EPC1: variants seen among roughly 807,000 people sequenced by gnomAD.
EPC1 encodes enhancer of polycomb 1, also known as enhancer of polycomb homolog 1.
Under a neutral mutation model 98.4 loss-of-function variants are expected in EPC1, and 12 were observed. The observed-to-expected ratio is 0.12, with a 90% confidence interval of 0.08 to 0.20. The LOEUF (loss-of-function observed/expected upper bound fraction) is 0.20, where lower values mean the gene tolerates loss of function less well. Among genes scored for constraint, EPC1 ranks in the 10% least tolerant of loss-of-function variants. EPC1 has a pLI of 1.00. For synonymous variants in EPC1, 357 were observed against 363.9 expected, an observed-to-expected ratio of 0.98 and a Z score of 0.21; for missense variants, 729 against 990.5, an observed-to-expected ratio of 0.74 and a Z score of 3.54.
At chr10:32,331,992 C>G (rs1475110470) in intron 1 of EPC1, among the ~76,000 whole-genome samples, 1 of 152,174 alleles carries the variant, frequency 6.6e-6, no homozygotes, top group East Asian at 1.9e-4. Context: ...AAACACAAAA[C>G]AGGTATCTGA....
upstream of EPC1, among the ~76,000 whole-genome samples, chr10:32,351,987 C>G (rs1839125592): frequency 6.7e-6 from 1 of 150,374 alleles, no homozygotes; most frequent in African/African-American, 2.4e-5. Flanking sequence ...CCACCCACCT[C>G]GTCCTCCCAA....
At chr10:32,347,937 C>T (rs774414137), upstream of EPC1, among the ~76,000 whole-genome samples, 1 of 152,194 alleles carries the variant, frequency 6.6e-6, no homozygotes, top group Non-Finnish European at 1.5e-5. Context: ...TTTTCATCTA[C>T]ACATATTTAC....
chr10:32,343,700 G>GC (rs1340763769), intron 1 of EPC1, among the ~76,000 whole-genome samples: 1 of 150,718 alleles, frequency 6.6e-6, no homozygotes, highest in Non-Finnish European at 1.5e-5. Flanking sequence ...ATTTTGGGGG[G>GC]GGGGTGTAAG....
At chr10:32,290,483 C>CAAAGAAAAAAAAAAAAAAAAAAAAAAAAA (rs1836935766) in intron 6 of EPC1, among the ~76,000 whole-genome samples, 1 of 40,154 alleles carries the variant, frequency 2.5e-5, no homozygotes, top group African/African-American at 1.3e-4. Context: ...AAGACTCTGT[C>CAAAGAAAAAAAAAAAAAAAAAAAAAAAAA]AAAAAAAAAA....
chr10:32,273,042 T>C, intron 11 of EPC1, 121 bp downstream of exon 11: 1 of 1,614,172 alleles, frequency 6.2e-7, no homozygotes, highest in Non-Finnish European at 8.5e-7. Context: ...ACCCTGTATA[T>C]TCAGGCGAAA....
At chr10:32,370,825 G>A (rs1175642055) in intron 1 of EPC1, among the ~76,000 whole-genome samples, 1 of 152,184 alleles carries the variant, frequency 6.6e-6, no homozygotes, top group Non-Finnish European at 1.5e-5. Flanking sequence ...TGTTACTAGT[G>A]AGTACCGTAT....
chr10:32,271,066 G>A (rs934418835), intron 13 of EPC1, among the ~76,000 whole-genome samples: 1 of 151,204 alleles, frequency 6.6e-6, no homozygotes, highest in Non-Finnish European at 1.5e-5. Flanking sequence ...TGCGATCTTG[G>A]TTGCAACCTC....
chr10:32,290,639 GA>G (rs1836961475), intron 6 of EPC1, among the ~76,000 whole-genome samples: 2 of 151,736 alleles, frequency 1.3e-5, no homozygotes, highest in South Asian at 4.1e-4. Flanking sequence ...CCTTTTATCA[GA>G]TATAGTAACA....
chr10:32,355,220 G>A (rs1839236752), intron 1 of EPC1, among the ~76,000 whole-genome samples: 1 of 152,136 alleles, frequency 6.6e-6, no homozygotes, highest in Non-Finnish European at 1.5e-5. Flanking sequence ...ATACCTCTAT[G>A]ACAGCATTTT....
intron 1 of EPC1, among the ~76,000 whole-genome samples, chr10:32,367,849 G>A (rs189844711): frequency 3.1e-4 from 47 of 152,234 alleles, no homozygotes; most frequent in Non-Finnish European, 4.9e-4. Context: ...TTTTTCTTTC[G>A]TCTTTTCTCT....
At position 32,347,084 on chromosome 10, in the gene EPC1, T is replaced by G. The variant is rs1392964475; in HGVS notation, c.-169A>C. On this transcript the variant is annotated 5_prime_UTR_variant, in exon 1 of 14. Coordinates refer to ENST00000319778, the MANE Select transcript of EPC1 (RefSeq NM_001272004.3). ...CACCAGCCGGGAGGGTGGGAGGCTG[T>G]GCCGCTCCGCTCCTCTCTCGCTCGC... 1.2e-5 allele frequency: 17 copies of G among 1,445,632 alleles called. No homozygotes were observed. In the Admixed American group the frequency reaches 1.7e-4, roughly 14 times the overall value. The allele number at this position is 1,445,632 out of a possible 1,614,324, so 89.6% of individuals were successfully genotyped here.
chr10:32,331,532 G>GA (rs34450222), intron 1 of EPC1, among the ~76,000 whole-genome samples: 121,002 of 150,902 alleles, frequency 0.8, 48,635 homozygotes, highest in Middle Eastern at 0.87. Context: ...TACTTCAAAT[G>GA]AAAAAAAAAT....
At position 32,293,324 on chromosome 10, in the gene EPC1, T is replaced by C. The variant is rs150209826; in HGVS notation, c.460-130A>G. ...ACAAATGGGAAACTTGAGGAGTACA[T>C]TATGCCTGTCAGTCACTGAACTAGG... On this transcript the variant is annotated intron_variant, in intron 3 of 13. Coordinates refer to ENST00000319778, the MANE Select transcript of EPC1 (RefSeq NM_001272004.3). 5 of 788,270 alleles carry C rather than the reference T, an allele frequency of 6.3e-6. No individual in the cohort carries two copies. In the East Asian group the frequency reaches 1.3e-4, roughly 21 times the overall value. 48.8% of individuals were successfully genotyped at this position (788,270 alleles called of 1,614,324 possible).
At chr10:32,270,931 A>G (rs3006614) in intron 13 of EPC1, among the ~76,000 whole-genome samples, 59,369 of 150,952 alleles carry the variant, frequency 0.39, 12,143 homozygotes, top group East Asian at 0.52. Flanking sequence ...AAAAAAAGTC[A>G]TAAAAGAAAC....
At chr10:32,280,593 G>C (rs1404557452) in intron 10 of EPC1, among the ~76,000 whole-genome samples, 1 of 152,080 alleles carries the variant, frequency 6.6e-6, no homozygotes, top group Non-Finnish European at 1.5e-5. Context: ...ACAAAAATTA[G>C]CCAGGCATGG....
intron 1 of EPC1, among the ~76,000 whole-genome samples, chr10:32,340,761 C>CTGCA (rs1192740566): frequency 6.6e-6 from 1 of 152,090 alleles, no homozygotes; most frequent in Non-Finnish European, 1.5e-5. Context: ...GAGGTTGAGG[C>CTGCA]TGCAGCTGCA....
chr10:32,335,578 CTT>C (rs1564553351), intron 1 of EPC1, among the ~76,000 whole-genome samples: 1 of 152,092 alleles, frequency 6.6e-6, no homozygotes, highest in Non-Finnish European at 1.5e-5. Context: ...CCCATTTCTT[CTT>C]TGTTGTCCCT....
chr10:32,273,186 T>C lies in EPC1; in HGVS notation c.1840A>G (p.Asn614Asp). The C allele has an allele frequency of 6.2e-7, 1 of 1,614,186 alleles. No homozygotes were observed. Among genetic ancestry groups the C allele is most frequent in the Non-Finnish European group, 8.5e-7 (1 of 1,179,996 alleles). Residue 614 changes from asparagine (N) to aspartate (D), a missense_variant, in exon 11 of 14, where the codon AAT becomes GAT. This residue lies in a region of EPC1 where 390 missense variants were observed against 438.6 expected (regional missense o/e 0.89). Coordinates refer to ENST00000319778, the MANE Select transcript of EPC1 (RefSeq NM_001272004.3). ...AQIQQQQANS[N>D]SSTNTSQGFV... The stretch of plus-strand genomic sequence containing the variant: ...ACCTGTGATGTGTTGGTGGAGGAAT[T>C]ACTATTTGCTTGCTGTTGCTGAATT...
chr10:32,278,384 T>A (rs201074767), intron 10 of EPC1, among the ~76,000 whole-genome samples: 1 of 118,270 alleles, frequency 8.5e-6, no homozygotes. Flanking sequence ...TTTTTTTTTT[T>A]GTTTTTTTTT....
Sources: gnomAD v4.1 joint callset for allele counts (sites outside exome capture counted in the v4.1 genomes callset) on GRCh38, gnomAD v4.1.1 for gene constraint, gnomAD v4.1.1 regional missense constraint, MANE v1.5 for transcripts, NCBI Gene and HGNC (gene_info 2026-07-23, HGNC 2026-07-21) for gene names.